The following DARS2 variants were observed in gnomAD, a reference collection of about 807,000 sequenced individuals.
DARS2 encodes aspartate--tRNA ligase, mitochondrial.
DARS2 carries 63 observed loss-of-function variants against 83.0 expected under a neutral mutation model. That is an observed-to-expected ratio of 0.76 (90% CI 0.62 to 0.94). The LOEUF is 0.94. Among genes scored for constraint, DARS2 ranks in the 40% least tolerant of loss-of-function variants. DARS2 has a pLI of 0.00. For synonymous variants in DARS2, 250 were observed against 269.3 expected (o/e 0.93, Z 0.70); for missense variants, 675 against 774.4 (o/e 0.87, Z 1.52).
intron 7 of DARS2, 101 bp from the exon 8 acceptor site, chr1:173,836,839 A>G: frequency 2.1e-6 from 2 of 955,914 alleles, no homozygotes; most frequent in Admixed American, 1.8e-5. Context: ...TTAGTCATTC[A>G]TTGATAAACT....
In DARS2 at chr1:173,838,091, TATC is replaced by T. The variant is rs1571985598; in HGVS notation, c.771-96_771-94del. ...CCCGGCCCTTCTTACGTTTTTTAAGTATCATTGTTTTATAGCTTGCATTGCTTT... is the reference window on the plus strand; with the variant it reads ...CCCGGCCCTTCTTACGTTTTTTAAGTATTGTTTTATAGCTTGCATTGCTTT... On this transcript the variant is annotated intron_variant, in intron 8 of 16. Transcript: ENST00000649689. 7 of 971,682 alleles carry T rather than the reference TATC, an allele frequency of 7.2e-6. No homozygotes were observed. The East Asian group carries it at 1.7e-4, about 24-fold the overall frequency. 60.2% of individuals were successfully genotyped at this position (971,682 alleles called of 1,614,324 possible). A position where few individuals can be genotyped will look rare whatever the true frequency, so the allele number is the denominator to read the frequency against.
At chr1:173,841,771 C>G (rs938710406) in intron 11 of DARS2, among the ~76,000 whole-genome samples, 2 of 152,120 alleles carry the variant, frequency 1.3e-5, no homozygotes, top group African/African-American at 4.8e-5. Flanking sequence ...GGCATTCTAA[C>G]CTGGATAACA....
rs1328164537 is a variant in DARS2 at position 173,838,192 on chromosome 1, AT to A, written c.777del (p.Gln260ArgfsTer24). 5 of 1,612,020 alleles carry A rather than the reference AT, an allele frequency of 3.1e-6. No individual in the cohort carries two copies. Among genetic ancestry groups the A allele is most frequent in the Non-Finnish European group, 4.2e-6 (5 of 1,178,178 alleles). On this transcript the variant is annotated frameshift_variant, in exon 9 of 17. Coordinates refer to ENST00000649689, the MANE Select transcript of DARS2 (RefSeq NM_018122.5). LOFTEE classifies it high-confidence loss of function. ...TTAATGCTATTTCTCAATTGTAGAT[AT>A]TTTCAGGTTGCCCGATGTTATCGAG... The part of the protein sequence containing the change: ...QLLMVGGLDR[Y>X]FQVARCYRDE...
intron 12 of DARS2, among the ~76,000 whole-genome samples, chr1:173,849,367 C>G (rs1395671149): frequency 4.6e-5 from 7 of 151,772 alleles, no homozygotes; most frequent in African/African-American, 1.7e-4. Context: ...AACCCCGTCT[C>G]TACTAAAAAT....
chr1:173,831,447 T>G, intron 4 of DARS2, 88 bp from the exon 5 acceptor site: 1 of 986,712 alleles, frequency 1.0e-6, no homozygotes, highest in South Asian at 1.3e-5. Context: ...ATTTTACATA[T>G]GTAAATAAAT....
At chr1:173,841,031 C>A (rs905157641) in intron 11 of DARS2, 58 bp downstream of exon 11, 4 of 1,018,146 alleles carry the variant, frequency 3.9e-6, no homozygotes, top group African/African-American at 3.2e-5. Context: ...GTAACTTTGT[C>A]CAATACTGTC....
At position 173,839,660 on chromosome 1, in the gene DARS2, T is replaced by A. The variant is rs1157450248; in HGVS notation, c.1020+114T>A. ...GTTAGATGATATTTTTGTTGTTACC[T>A]TGTTACCTTCGTTGTTACAGAGCTA... On this transcript the variant is annotated intron_variant, in intron 10 of 16. Coordinates refer to ENST00000649689, the MANE Select transcript of DARS2 (RefSeq NM_018122.5). The A allele has an allele frequency of 3.0e-6, 3 of 992,900 alleles. No homozygotes were observed. In the African/African-American group the frequency reaches 4.8e-5, roughly 16 times the overall value. 61.5% of individuals were successfully genotyped at this position (992,900 alleles called of 1,614,324 possible).
At chr1:173,846,844 C>T (rs1272203433) in intron 12 of DARS2, among the ~76,000 whole-genome samples, 2 of 151,854 alleles carry the variant, frequency 1.3e-5, no homozygotes, top group Non-Finnish European at 2.9e-5. Context: ...TAAAATGAAA[C>T]CATATAGGAG....
At chr1:173,856,600 G>A in intron 15 of DARS2, 66 bp from the exon 16 acceptor site, 1 of 1,402,580 alleles carries the variant, frequency 7.1e-7, no homozygotes, top group Non-Finnish European at 1.0e-6. Context: ...TATCATCTAA[G>A]CCTAGATGGT....
At chr1:173,835,382 C>T (rs992384414) in intron 7 of DARS2, among the ~76,000 whole-genome samples, 21 of 151,118 alleles carry the variant, frequency 1.4e-4, no homozygotes, top group East Asian at 1.2e-3. Flanking sequence ...TGAGCCACCG[C>T]GCCCAGCCAA....
At chr1:173,845,067 T>A (rs1005929789) in intron 11 of DARS2, among the ~76,000 whole-genome samples, 162 bp from the exon 12 acceptor site, 6 of 152,110 alleles carry the variant, frequency 3.9e-5, no homozygotes, top group Admixed American at 3.9e-4. Flanking sequence ...AGTGCTGGGA[T>A]TACAGGCATG....
At chr1:173,831,042 G>A (rs888641691) in intron 4 of DARS2, among the ~76,000 whole-genome samples, 4 of 151,926 alleles carry the variant, frequency 2.6e-5, no homozygotes, top group South Asian at 2.1e-4. Context: ...TCAGCCTCCC[G>A]AGTAGCTGGG....
At chr1:173,829,152 T>G (rs1652699446) in intron 3 of DARS2, among the ~76,000 whole-genome samples, 1 of 152,126 alleles carries the variant, frequency 6.6e-6, no homozygotes, top group African/African-American at 2.4e-5. Context: ...TCCAGCACTC[T>G]AAGTGCTGTC....
At chr1:173,850,605 CTTTTT>C in intron 13 of DARS2, 126 bp downstream of exon 13, 4 of 689,058 alleles carry the variant, frequency 5.8e-6, no homozygotes, top group South Asian at 2.0e-5. Context: ...CTGCATAAAT[CTTTTT>C]TTTTTTTTTT....
At chr1:173,835,289 G>T (rs1275748405) in intron 7 of DARS2, among the ~76,000 whole-genome samples, 1 of 150,402 alleles carries the variant, frequency 6.6e-6, no homozygotes, top group African/African-American at 2.4e-5. Flanking sequence ...ACGGGGTTTC[G>T]CATGTTGGCC....
In DARS2 at chr1:173,831,080, C is replaced by G. The variant is rs1028366328; in HGVS notation, c.396+319C>G. Among the ~76,000 whole-genome samples, 6 of 152,092 alleles carry G rather than the reference C, an allele frequency of 3.9e-5. 1 individual carries two copies. The highest frequency in any genetic ancestry group is 3.9e-4 in the Admixed American group (6 of 15,264). On this transcript the variant is annotated intron_variant, in intron 4 of 16. Transcript: ENST00000649689. ...TACAGGTGCATGCCACCACGCCCAGCTAATTTTTATATTTTTAGCAGAGAG... is the reference window on the plus strand; with the variant it reads ...TACAGGTGCATGCCACCACGCCCAGGTAATTTTTATATTTTTAGCAGAGAG...
At chr1:173,850,519 T>C (rs778418664) in intron 13 of DARS2, 40 bp downstream of exon 13, 2 of 1,603,218 alleles carry the variant, frequency 1.2e-6, no homozygotes, top group East Asian at 2.2e-5. Flanking sequence ...CTGTTGATGC[T>C]GAACAATGCC....
At chr1:173,841,986 A>G (rs899617011) in intron 11 of DARS2, among the ~76,000 whole-genome samples, 10 of 152,062 alleles carry the variant, frequency 6.6e-5, no homozygotes, top group Non-Finnish European at 1.5e-5. Context: ...TTCTCATCTC[A>G]GTTGCACTAA....
chr1:173,854,692 A>T (rs1653798263), intron 15 of DARS2, among the ~76,000 whole-genome samples: 1 of 152,238 alleles, frequency 6.6e-6, no homozygotes, highest in Non-Finnish European at 1.5e-5. Flanking sequence ...AAAAATAAAA[A>T]TCAAATCAAA....
Sources: allele counts gnomAD v4.1 joint callset (sites outside exome capture counted in the v4.1 genomes callset), GRCh38; gene constraint gnomAD v4.1.1; transcripts MANE v1.5; gene names NCBI Gene and HGNC (gene_info 2026-07-23, HGNC 2026-07-21).